The following YBX1 variants were observed in gnomAD, a reference collection of about 807,000 sequenced individuals.
YBX1 encodes Y-box binding protein 1.
Under a neutral mutation model 41.4 loss-of-function variants are expected in YBX1, and 3 were observed. That is an observed-to-expected ratio of 0.07 (90% confidence interval 0.03 to 0.19). The LOEUF (loss-of-function observed/expected upper bound fraction) is 0.19. YBX1 is among the 10% of genes least tolerant of loss of function. YBX1 has a pLI of 1.00. For missense variants in YBX1, 274 were observed against 462.8 expected (o/e 0.59, Z 3.74); for synonymous variants, 133 against 165.8 (o/e 0.80, Z 1.52).
intron 6 of YBX1, 37 bp from the exon 7 acceptor site, chr1:42,700,744 G>GT (rs772635204): frequency 8.3e-6 from 13 of 1,556,938 alleles, no homozygotes; most frequent in Non-Finnish European, 2.6e-6. Flanking sequence ...AAGAGAGAAG[G>GT]TTTTATCATT....
intron 2 of YBX1, among the ~76,000 whole-genome samples, chr1:42,692,026 A>G (rs1339170335): frequency 6.6e-6 from 1 of 152,080 alleles, no homozygotes; most frequent in Non-Finnish European, 1.5e-5. Context: ...AATTTTTTGT[A>G]ATTTTAGTAG....
At chr1:42,686,873 GT>G (rs1377190234) in intron 2 of YBX1, among the ~76,000 whole-genome samples, 1 of 152,188 alleles carries the variant, frequency 6.6e-6, no homozygotes, top group East Asian at 1.9e-4. Context: ...GATTGGAACT[GT>G]TTTTTGACTC....
intron 2 of YBX1, 66 bp from the exon 3 acceptor site, chr1:42,693,424 A>T: frequency 6.3e-7 from 1 of 1,597,450 alleles, no homozygotes; most frequent in Non-Finnish European, 8.6e-7. Context: ...CTCTGGGAAA[A>T]TTAATCTTTG....
At chr1:42,690,138 C>G (rs911067987) in intron 2 of YBX1, among the ~76,000 whole-genome samples, 2 of 151,720 alleles carry the variant, frequency 1.3e-5, no homozygotes, top group African/African-American at 4.8e-5. Flanking sequence ...ACTTGAACCC[C>G]GAAGGCAGAG....
chr1:42,694,885 T>C (rs1050498746), intron 3 of YBX1, among the ~76,000 whole-genome samples: 1 of 152,202 alleles, frequency 6.6e-6, no homozygotes. Flanking sequence ...GCAAAGTTTC[T>C]CGGTCTTGTT....
chr1:42,688,983 A>G (rs912073740), intron 2 of YBX1, among the ~76,000 whole-genome samples: 101 of 152,378 alleles, frequency 6.6e-4, no homozygotes, highest in Admixed American at 2.5e-3. Context: ...CGAGTAAGCC[A>G]TTAAATTTTG....
At chr1:42,693,359 T>G (rs369528779) in intron 2 of YBX1, 131 bp from the exon 3 acceptor site, 11 of 915,678 alleles carry the variant, frequency 1.2e-5, no homozygotes, top group Admixed American at 2.1e-5. Context: ...GCATGGTGGC[T>G]TGTGTTTTTT....
intron 1 of YBX1, 120 bp from the exon 2 acceptor site, chr1:42,683,283 A>G: frequency 8.4e-7 from 1 of 1,184,500 alleles, no homozygotes; most frequent in Non-Finnish European, 1.3e-6. Context: ...GGCGGTGGAG[A>G]GAAAGGGCTG....
rs140610376 is a variant in YBX1, at chr1:42,685,719, A to C, written c.230+2253A>C. 8.4e-4 allele frequency among the ~76,000 whole-genome samples: 128 copies of C among 152,334 alleles called. 1 individual carries two copies. Among genetic ancestry groups the C allele is most frequent in the African/African-American group, 3.1e-3 (127 of 41,568 alleles). ...TTGGGGTTTTTGGATGCGCTGGATT[A>C]TATATGCTAGGATTGTAAGGAATTT... On this transcript the variant is annotated intron_variant, in intron 2 of 7. Coordinates refer to ENST00000321358, the MANE Select transcript of YBX1 (RefSeq NM_004559.5).
Position 42,703,042 on chromosome 1 carries a change from C to T in YBX1, c.*1093C>T, listed in dbSNP as rs1464243631. Among the ~76,000 whole-genome samples, 2 of 152,134 alleles carry T rather than the reference C, an allele frequency of 1.3e-5. No homozygotes were observed. Among genetic ancestry groups the T allele is most frequent in the African/African-American group, 2.4e-5 (1 of 41,438 alleles). Reference sequence around the variant, plus strand: ...CTAGGTTTAAGCGATTCTCCTGCCTCGGCCACCTTAGTAGCTGGGAGTACA... The same window carrying T: ...CTAGGTTTAAGCGATTCTCCTGCCTTGGCCACCTTAGTAGCTGGGAGTACA... On this transcript the variant is annotated 3_prime_UTR_variant, in exon 8 of 8. Transcript: ENST00000321358.
chr1:42,691,078 A>G (rs1487345523), intron 2 of YBX1, among the ~76,000 whole-genome samples: 1 of 152,194 alleles, frequency 6.6e-6, no homozygotes, highest in Non-Finnish European at 1.5e-5. Flanking sequence ...TAAACTAGAG[A>G]TTCTGGCTGG....
At chr1:42,687,684 G>T (rs1350217237) in intron 2 of YBX1, among the ~76,000 whole-genome samples, 1 of 152,028 alleles carries the variant, frequency 6.6e-6, no homozygotes. Flanking sequence ...TTGCCCATAT[G>T]GGTCTTGCAC....
At chr1:42,689,720 C>A (rs965630686) in intron 2 of YBX1, among the ~76,000 whole-genome samples, 1 of 152,144 alleles carries the variant, frequency 6.6e-6, no homozygotes, top group Non-Finnish European at 1.5e-5. Context: ...GGAGAATTAT[C>A]TGGCAAGCTG....
chr1:42,688,231 A>G (rs1650245576), intron 2 of YBX1, among the ~76,000 whole-genome samples: 1 of 152,176 alleles, frequency 6.6e-6, no homozygotes, highest in Non-Finnish European at 1.5e-5. Context: ...CCACTTACAC[A>G]CAGATTTTTT....
chr1:42,691,720 A>G (rs1650338425), intron 2 of YBX1, among the ~76,000 whole-genome samples: 1 of 152,214 alleles, frequency 6.6e-6, no homozygotes, highest in African/African-American at 2.4e-5. Flanking sequence ...TGCGTATTAA[A>G]ACAGTACAGA....
chr1:42,698,095 T>TA (rs1650505159), intron 6 of YBX1, among the ~76,000 whole-genome samples: 2 of 152,294 alleles, frequency 1.3e-5, no homozygotes, highest in Admixed American at 1.3e-4. Context: ...AAGTGTCAAG[T>TA]TTATTATTCT....
chr1:42,693,303 A>C (rs943412176), intron 2 of YBX1, among the ~76,000 whole-genome samples, 187 bp from the exon 3 acceptor site: 1 of 151,270 alleles, frequency 6.6e-6, no homozygotes, highest in African/African-American at 2.4e-5. Flanking sequence ...CTTACGGGTA[A>C]TGAGGCTACA....
chr1:42,700,032 T>C (rs1174461067), intron 6 of YBX1, among the ~76,000 whole-genome samples: 1 of 152,128 alleles, frequency 6.6e-6, no homozygotes, highest in East Asian at 1.9e-4. Context: ...TTTTAGAAAC[T>C]GGGAGAGTTG....
chr1:42,689,288 A>G (rs1650272478), intron 2 of YBX1, among the ~76,000 whole-genome samples: 1 of 152,242 alleles, frequency 6.6e-6, no homozygotes, highest in East Asian at 1.9e-4. Context: ...TTATTATCTT[A>G]CAGTCATCTA....
Sources: allele counts gnomAD v4.1 joint callset (sites outside exome capture counted in the v4.1 genomes callset), GRCh38; gene constraint gnomAD v4.1.1; transcripts MANE v1.5; gene names NCBI Gene and HGNC (gene_info 2026-07-23, HGNC 2026-07-21).